DCTN1: variants seen among roughly 807,000 people sequenced by gnomAD.
The protein encoded by DCTN1 is 150 kDa dynein-associated polypeptide.
Under a neutral mutation model 161.2 loss-of-function variants are expected in DCTN1, and 61 were observed. That is an observed-to-expected ratio of 0.38 (90% confidence interval 0.31 to 0.47). DCTN1 has a LOEUF of 0.47. DCTN1 is among the 20% of genes least tolerant of loss of function. The pLI, the probability that DCTN1 is intolerant of heterozygous loss-of-function variation, is 0.99. For synonymous variants in DCTN1, 653 were observed against 632.4 expected, an observed-to-expected ratio of 1.03 and a Z score of -0.49; for missense variants, 1,404 against 1,623.7, an observed-to-expected ratio of 0.86 and a Z score of 2.33.
rs1046056271 is a variant in DCTN1, at chr2:74,368,889, T to C, written c.1702-9A>G. On this transcript the variant is annotated splice_polypyrimidine_tract_variant and intron_variant, in intron 15 of 31. Coordinates refer to ENST00000628224, the MANE Select transcript of DCTN1 (RefSeq NM_004082.5). ...AATTCCATCTCAATTGCCTGTGAGGTGAACAGGGAGGAGGACTCTTAGCCA... is the reference window on the plus strand; with the variant it reads ...AATTCCATCTCAATTGCCTGTGAGGCGAACAGGGAGGAGGACTCTTAGCCA... 1.2e-6 allele frequency: 2 copies of C among 1,614,030 alleles called. No individual in the cohort carries two copies. Among genetic ancestry groups the C allele is most frequent in the Non-Finnish European group, 1.7e-6 (2 of 1,179,990 alleles).
intron 25 of DCTN1, 71 bp from the exon 26 acceptor site, chr2:74,365,312 G>C: frequency 6.3e-7 from 1 of 1,594,786 alleles, no homozygotes; most frequent in Admixed American, 1.8e-5. Flanking sequence ...AGTCCTGAGA[G>C]GTCCTTGGAA....
At position 74,363,336 on chromosome 2, in the gene DCTN1, C is replaced by T. The variant is rs554823827; in HGVS notation, c.3303G>A (p.Arg1101=). ...PLLLQQISAM[R]LHISQLQHEN... ...CATGCTGGAGCTGGGAGATGTGCAG[C>T]CTCATGGCAGAGATCTGCTGAAGCA... The change falls in exon 28 of 32, where the codon AGG becomes AGA. Residue 1101 remains arginine, a synonymous_variant. Transcript: ENST00000628224. 3 of 1,613,422 alleles carry T rather than the reference C, an allele frequency of 1.9e-6. No individual in the cohort carries two copies. The Admixed American group carries it at 5.0e-5, about 27-fold the overall frequency.
chr2:74,382,926 T>A (rs1254094716), upstream of DCTN1, among the ~76,000 whole-genome samples: 1 of 149,810 alleles, frequency 6.7e-6, no homozygotes, highest in African/African-American at 2.5e-5. Context: ...CAAAAAAAAA[T>A]TAGCCGGGCG....
In DCTN1 at chr2:74,362,735, G is replaced by A; in HGVS notation, c.3530-6C>T. 1.2e-6 allele frequency: 2 copies of A among 1,613,756 alleles called. No homozygotes were observed. Among genetic ancestry groups the A allele is most frequent in the Non-Finnish European group, 1.7e-6 (2 of 1,179,914 alleles). ...GGCCGACGGGCTCTTGGCAGCTGTG[G>A]GGAGAGAAAGCTGGTGAGGCCCACC... On this transcript the variant is annotated splice_polypyrimidine_tract_variant and splice_region_variant and intron_variant, in intron 29 of 31. Coordinates refer to ENST00000628224, the MANE Select transcript of DCTN1 (RefSeq NM_004082.5).
chr2:74,373,273 G>A, intron 6 of DCTN1: 1 of 424,186 alleles, frequency 2.4e-6, no homozygotes, highest in Non-Finnish European at 4.4e-6. Context: ...CTAGTGAGAA[G>A]GTCCCATGAG....
At chr2:74,372,115 C>A in intron 7 of DCTN1, 1 of 282,380 alleles carries the variant, frequency 3.5e-6, no homozygotes, top group South Asian at 3.7e-5. Context: ...ATTCTAGCAA[C>A]TCCATTATAC....
intron 30 of DCTN1, 64 bp downstream of exon 30, chr2:74,362,586 C>T: frequency 6.4e-7 from 1 of 1,555,316 alleles, no homozygotes; most frequent in Non-Finnish European, 8.8e-7. Context: ...AGAGGAACTC[C>T]ACAAGTGCCT....
Position 74,380,111 on chromosome 2 carries a change from G to A in DCTN1, c.-74C>T. The stretch of plus-strand genomic sequence containing the variant: ...AGAAAAGGTAGAAACCTAGGCAGGA[G>A]GGTCAGGGCGCTGGGCCCTCATAGA... On this transcript the variant is annotated 5_prime_UTR_variant, in exon 1 of 32. Coordinates refer to ENST00000628224, the MANE Select transcript of DCTN1 (RefSeq NM_004082.5). The A allele has an allele frequency of 6.4e-7, 1 of 1,554,478 alleles. No homozygotes were observed. The highest frequency in any genetic ancestry group is 1.4e-5 in the African/African-American group (1 of 73,850).
chr2:74,369,569 C>G lies in DCTN1; in HGVS notation c.1393-78G>C. 6.8e-7 allele frequency: 1 copy of G among 1,465,168 alleles called. No individual in the cohort carries two copies. The highest frequency in any genetic ancestry group is 9.5e-7 in the Non-Finnish European group (1 of 1,056,684). 90.8% of individuals were successfully genotyped at this position (1,465,168 alleles called of 1,614,324 possible). A position where few individuals can be genotyped will look rare whatever the true frequency, so the allele number is the denominator to read the frequency against. The stretch of plus-strand genomic sequence containing the variant: ...CGGTGGTTCACACCTGTAATCCCAG[C>G]ACTTTGGGAGGTCAAAGCAGGCGGA... On this transcript the variant is annotated intron_variant, in intron 13 of 31. Transcript: ENST00000628224. The surrounding 1 kb of genome is among the most constrained non-coding windows in gnomAD (Gnocchi z 4.9).
Position 74,369,789 on chromosome 2 carries a change from C to T in DCTN1, c.1392+176G>A, listed in dbSNP as rs1674697510. 6.8e-6 allele frequency among the ~76,000 whole-genome samples: 1 copy of T among 147,872 alleles called. No homozygotes were observed. Among genetic ancestry groups the T allele is most frequent in the Non-Finnish European group, 1.5e-5 (1 of 67,412 alleles). ...GATTATTGCGCCACTGCGCTCCAGC[C>T]TGGCAACAGAGCGAGATTCCATCTC... On this transcript the variant is annotated intron_variant, in intron 13 of 31. Transcript: ENST00000628224. This position sits in a 1 kb window ranked among gnomAD's most constrained non-coding sequence, Gnocchi z 4.9.
intron 27 of DCTN1, 39 bp downstream of exon 27, chr2:74,363,575 C>T: frequency 6.2e-7 from 1 of 1,611,882 alleles, no homozygotes; most frequent in East Asian, 2.2e-5. Context: ...GCTCCAACTC[C>T]CACCAGCCTG....
intron 1 of DCTN1, among the ~76,000 whole-genome samples, chr2:74,389,453 T>C (rs1031965491): frequency 6.6e-5 from 10 of 152,076 alleles, no homozygotes; most frequent in Admixed American, 5.9e-4. Context: ...TTTCAACCTA[T>C]AACTCCAAGC....
Position 74,364,655 on chromosome 2 carries a change from C to T in DCTN1, c.3196+420G>A, listed in dbSNP as rs573113518. 3.6e-4 allele frequency: 109 copies of T among 301,320 alleles called. 1 individual carries two copies. Among genetic ancestry groups the T allele is most frequent in the African/African-American group, 2.3e-3 (107 of 46,338 alleles). The allele number at this position is 301,320 out of a possible 1,614,324, so 18.7% of individuals were successfully genotyped here. ...ACATCATAAAATGAAGCCACATGAA[C>T]TCAGTGAGAAAACACAGTGTCCAAG... On this transcript the variant is annotated intron_variant, in intron 26 of 31. Transcript: ENST00000628224.
chr2:74,389,892 C>T (rs962843226), intron 1 of DCTN1, among the ~76,000 whole-genome samples: 2 of 152,142 alleles, frequency 1.3e-5, no homozygotes, highest in African/African-American at 2.4e-5. Flanking sequence ...TATCCAGCTC[C>T]GTCTCCCCCT....
intron 26 of DCTN1, 31 bp from the exon 27 acceptor site, chr2:74,363,659 GA>G: frequency 6.2e-7 from 1 of 1,613,018 alleles, no homozygotes; most frequent in Non-Finnish European, 8.5e-7. Context: ...GGGGGAGCAG[GA>G]AAAGAGGAGA....
Position 74,372,881 on chromosome 2 carries a change from G to C in DCTN1, c.453+47C>G, listed in dbSNP as rs774858691. 6.9e-6 allele frequency: 11 copies of C among 1,599,968 alleles called. 1 individual carries two copies. Among genetic ancestry groups the C allele is most frequent in the Admixed American group, 1.7e-5 (1 of 59,996 alleles). ...CCTCATACATCCACATGCCTGAAAC[G>C]TGTGTGTACACTCAGCAGTGGCTCA... On this transcript the variant is annotated intron_variant, in intron 7 of 31. Transcript: ENST00000628224.
intron 24 of DCTN1, 78 bp from the exon 25 acceptor site, chr2:74,365,735 G>A (rs1674358282): frequency 1.2e-6 from 2 of 1,612,546 alleles, no homozygotes; most frequent in African/African-American, 1.3e-5. Context: ...CCATGAGATA[G>A]TAGGTTCCCT....
chr2:74,367,984 G>A lies in DCTN1; in HGVS notation c.2002C>T (p.His668Tyr), dbSNP rs764443534. 3.4e-5 allele frequency: 55 copies of A among 1,614,130 alleles called. No individual in the cohort carries two copies. Among genetic ancestry groups the A allele is most frequent in the Non-Finnish European group, 4.5e-5 (53 of 1,180,060 alleles). ...GGAGTCACTTACTGCTCATAGCGGT[G>A]TAGCGTGGCCTGCAGCAGGCTCAGC... Reference protein sequence around the residue: ...YSLSLLQATLHRYEHALSQCS... With the variant: ...YSLSLLQATLYRYEHALSQCS... The change falls in exon 17 of 32, where the codon CAC becomes TAC. Residue 668 changes from histidine (H) to tyrosine (Y), a missense_variant. His to Tyr is a moderately conservative substitution (Grantham distance 83). Transcript: ENST00000628224.
intron 25 of DCTN1, 126 bp downstream of exon 25, chr2:74,365,389 G>GAT: frequency 6.4e-7 from 1 of 1,552,662 alleles, no homozygotes; most frequent in South Asian, 1.2e-5. Context: ...CAATGGGGTT[G>GAT]GCAGTGGGTA....
Sources: allele counts gnomAD v4.1 joint callset (sites outside exome capture counted in the v4.1 genomes callset), GRCh38; gene constraint gnomAD v4.1.1; non-coding constraint Gnocchi (gnomAD v3.1); transcripts MANE v1.5; gene names NCBI Gene and HGNC (gene_info 2026-07-23, HGNC 2026-07-21).